The following GTF2IRD1 variants were observed in gnomAD, a reference collection of about 807,000 sequenced individuals.
GTF2IRD1 encodes the protein general transcription factor II-I repeat domain-containing protein 1.
GTF2IRD1 carries 26 observed loss-of-function variants against 113.2 expected under a neutral mutation model. The ratio of observed to expected loss-of-function variants is 0.23; its 90% CI spans 0.17 to 0.32. The LOEUF is 0.32. GTF2IRD1 is among the 10% of genes least tolerant of loss of function. GTF2IRD1 has a pLI of 1.00. For synonymous variants in GTF2IRD1, 484 were observed against 529.1 expected (o/e 0.91, Z 1.17); for missense variants, 864 against 1,280.8 (o/e 0.67, Z 4.97).
At position 74,592,113 on chromosome 7, in the gene GTF2IRD1, T is replaced by G. The variant is rs1180901344; in HGVS notation, c.2591+1096T>G. Among the ~76,000 whole-genome samples, 11 of 152,192 alleles carry G rather than the reference T, an allele frequency of 7.2e-5. No homozygotes were observed. In the East Asian group the frequency reaches 2.1e-3, roughly 29 times the overall value. On this transcript the variant is annotated intron_variant, in intron 24 of 26. Coordinates refer to ENST00000424337, the MANE Select transcript of GTF2IRD1 (RefSeq NM_005685.4). ...ATTTTATTAATATATTATTACTTTC[T>G]TTTTGAGATGGACTCTCGTTCTGTC...
intron 17 of GTF2IRD1, among the ~76,000 whole-genome samples, chr7:74,548,431 A>C (rs1799092968): frequency 6.6e-6 from 1 of 151,958 alleles, no homozygotes; most frequent in Non-Finnish European, 1.5e-5. Flanking sequence ...CAAAAAAAAA[A>C]AAAAGTCCCT....
intron 26 of GTF2IRD1, chr7:74,601,548 G>C: frequency 8.1e-7 from 1 of 1,240,752 alleles, no homozygotes; most frequent in Non-Finnish European, 1.1e-6. Context: ...CAAGTCGGGT[G>C]GATCACCTGA....
Position 74,589,131 on chromosome 7 carries a change from G to A in GTF2IRD1, c.2321-720G>A, listed in dbSNP as rs587696878. ...TGAACTTTGGGAGGGCAAAGCAAGAGGATCACTTGAGGCCAGCAAGAGGAT... is the reference window on the plus strand; with the variant it reads ...TGAACTTTGGGAGGGCAAAGCAAGAAGATCACTTGAGGCCAGCAAGAGGAT... On this transcript the variant is annotated intron_variant, in intron 22 of 26. Coordinates refer to ENST00000424337, the MANE Select transcript of GTF2IRD1 (RefSeq NM_005685.4). 3.9e-5 allele frequency among the ~76,000 whole-genome samples: 6 copies of A among 152,216 alleles called. No homozygotes were observed. In the East Asian group the frequency reaches 1.2e-3, roughly 29 times the overall value.
chr7:74,578,179 T>C (rs1407865225), intron 22 of GTF2IRD1, among the ~76,000 whole-genome samples: 4 of 152,210 alleles, frequency 2.6e-5, no homozygotes, highest in African/African-American at 9.6e-5. Flanking sequence ...ATTTTGCTTA[T>C]AATTTTACTT....
At chr7:74,489,709 A>C (rs994420312) in intron 1 of GTF2IRD1, among the ~76,000 whole-genome samples, 6 of 152,026 alleles carry the variant, frequency 3.9e-5, no homozygotes, top group Non-Finnish European at 5.9e-5. Context: ...CAGTGGCCAG[A>C]ATTGGGTTCT....
At chr7:74,454,221 C>T (rs1322082206) in intron 1 of GTF2IRD1, 45 bp downstream of exon 1, 14 of 151,330 alleles carry the variant, frequency 9.3e-5, no homozygotes, top group African/African-American at 3.4e-4. Flanking sequence ...GCCCTTCTCC[C>T]CTTCTCCCCC....
rs1293691837 is a variant in GTF2IRD1, at chr7:74,462,413, C to T, written c.-7+8237C>T. Among the ~76,000 whole-genome samples, 3 of 152,194 alleles carry T rather than the reference C, an allele frequency of 2.0e-5. No homozygotes were observed. The East Asian group carries it at 5.8e-4, about 29-fold the overall frequency. On this transcript the variant is annotated intron_variant, in intron 1 of 26. Coordinates refer to ENST00000424337, the MANE Select transcript of GTF2IRD1 (RefSeq NM_005685.4). ...TTCTGTATATGGTTTTCCATTTGTA[C>T]AATGTCACATAAATGGAATCCTACA...
intron 22 of GTF2IRD1, among the ~76,000 whole-genome samples, chr7:74,581,818 G>A (rs1444116871): frequency 6.6e-6 from 1 of 152,160 alleles, no homozygotes; most frequent in Non-Finnish European, 1.5e-5. Flanking sequence ...ACCAGCCTGG[G>A]CAACATAGTG....
chr7:74,600,183 AT>A (rs1554373503), intron 25 of GTF2IRD1, among the ~76,000 whole-genome samples: 1 of 152,092 alleles, frequency 6.6e-6, no homozygotes, highest in Non-Finnish European at 1.5e-5. Context: ...TAATCTCAGC[AT>A]TTAGGGAAGC....
intron 1 of GTF2IRD1, among the ~76,000 whole-genome samples, chr7:74,496,895 C>T (rs1554338241): frequency 6.6e-6 from 1 of 152,102 alleles, no homozygotes; most frequent in Non-Finnish European, 1.5e-5. Context: ...GGCATGGTGG[C>T]TTATGCCTAT....
At chr7:74,472,387 G>A (rs782437253) in intron 1 of GTF2IRD1, among the ~76,000 whole-genome samples, 55 of 152,300 alleles carry the variant, frequency 3.6e-4, no homozygotes, top group Non-Finnish European at 5.7e-4. Context: ...TTTCAGATGG[G>A]GAAACTGAGG....
At chr7:74,583,490 C>G (rs1389444357) in intron 22 of GTF2IRD1, among the ~76,000 whole-genome samples, 1 of 151,016 alleles carries the variant, frequency 6.6e-6, no homozygotes, top group Non-Finnish European at 1.5e-5. Flanking sequence ...CTACATCCGG[C>G]CAGTTCTTGG....
chr7:74,487,189 A>C (rs1795078405), intron 1 of GTF2IRD1, among the ~76,000 whole-genome samples: 1 of 152,036 alleles, frequency 6.6e-6, no homozygotes, highest in Non-Finnish European at 1.5e-5. Flanking sequence ...CAGGCACCCA[A>C]CACCATGCAG....
At chr7:74,473,272 C>T (rs1554332825) in intron 1 of GTF2IRD1, among the ~76,000 whole-genome samples, 1 of 152,172 alleles carries the variant, frequency 6.6e-6, no homozygotes, top group African/African-American at 2.4e-5. Context: ...GAGATCTTGG[C>T]CGGTGTCCCT....
intron 1 of GTF2IRD1, among the ~76,000 whole-genome samples, chr7:74,476,787 C>A (rs1554333628): frequency 1.3e-5 from 2 of 152,126 alleles, no homozygotes; most frequent in Non-Finnish European, 2.9e-5. Context: ...TGGTCACTCC[C>A]CACATGAGGA....
At chr7:74,503,602 A>G (rs1554340107) in intron 1 of GTF2IRD1, among the ~76,000 whole-genome samples, 1 of 152,164 alleles carries the variant, frequency 6.6e-6, no homozygotes, top group African/African-American at 2.4e-5. Context: ...TACAAACATT[A>G]GCCAGGCGTG....
In GTF2IRD1 at chr7:74,530,493, A is replaced by AT. The variant is rs57782999; in HGVS notation, c.1274+597dup. Among the ~76,000 whole-genome samples the AT allele has an allele frequency of 0.027, 2,711 of 102,202 alleles. 230 individuals are homozygous for AT. The East Asian group carries it at 0.3, about 11-fold the overall frequency. The allele number at this position is 102,202 out of a possible 152,430, so 67.0% of individuals were successfully genotyped here. ...GTCTGGCCTAATCAGGCACTTTGTAATTTTTTTTTTTTTTTTTTTTTGAAT... is the reference window on the plus strand; with the variant it reads ...GTCTGGCCTAATCAGGCACTTTGTAATTTTTTTTTTTTTTTTTTTTTTGAAT... On this transcript the variant is annotated intron_variant, in intron 9 of 26. Transcript: ENST00000424337.
At chr7:74,582,429 CT>C (rs781792128) in intron 22 of GTF2IRD1, among the ~76,000 whole-genome samples, 1 of 151,444 alleles carries the variant, frequency 6.6e-6, no homozygotes, top group Admixed American at 6.6e-5. Context: ...AGCATTTTTT[CT>C]TTTTTTTTGG....
intron 14 of GTF2IRD1, among the ~76,000 whole-genome samples, chr7:74,543,077 G>A (rs1397231572): frequency 2.6e-5 from 4 of 151,826 alleles, no homozygotes; most frequent in Non-Finnish European, 5.9e-5. Context: ...AGGCCGAGGC[G>A]GGATCACCTG....
Sources: allele counts gnomAD v4.1 joint callset (sites outside exome capture counted in the v4.1 genomes callset), GRCh38; gene constraint gnomAD v4.1.1; transcripts MANE v1.5; gene names NCBI Gene and HGNC (gene_info 2026-07-23, HGNC 2026-07-21).